Variants in HIVEP3 observed in about 807,000 individuals in gnomAD.
HIVEP3 encodes the protein transcription factor HIVEP3.
Under a neutral mutation model 152.8 loss-of-function variants are expected in HIVEP3, and 49 were observed. The observed-to-expected ratio is 0.32, with a 90% CI of 0.26 to 0.41. The LOEUF (loss-of-function observed/expected upper bound fraction) is 0.41, where lower values mean the gene tolerates loss of function less well. Among genes scored for constraint, HIVEP3 ranks in the 10% least tolerant of loss-of-function variants. The pLI is 1.00. For synonymous variants in HIVEP3, 1,269 were observed against 1,289.0 expected (o/e 0.98, Z 0.33); for missense variants, 2,790 against 3,103.3 (o/e 0.90, Z 2.40).
rs969028063 is a variant in HIVEP3 at position 41,613,095 on chromosome 1, G to A, written c.-522+15654C>T. Among the ~76,000 whole-genome samples the A allele has an allele frequency of 1.3e-4, 20 of 152,340 alleles. 1 individual carries two copies. Among genetic ancestry groups the A allele is most frequent in the Admixed American group, 7.8e-4 (12 of 15,310 alleles). On this transcript the variant is annotated intron_variant, in intron 3 of 8. Transcript: ENST00000372583. ...TGGAGGACAGCCAGGAGCACTGGGC[G>A]CGGAGTCAGCCGCTAGGGGCTCACT...
At chr1:41,851,959 C>T (rs1643616592) in intron 1 of HIVEP3, among the ~76,000 whole-genome samples, 1 of 152,146 alleles carries the variant, frequency 6.6e-6, no homozygotes, top group African/African-American at 2.4e-5. Context: ...CTCTCTGAGC[C>T]TCATGGGGCT....
chr1:42,029,254 C>T (rs1645599265), intron 1 of HIVEP3, among the ~76,000 whole-genome samples: 1 of 152,092 alleles, frequency 6.6e-6, no homozygotes, highest in Non-Finnish European at 1.5e-5. Context: ...AGCACCTGCC[C>T]CCATCTTCTC....
chr1:41,905,125 A>T (rs537698809), intron 1 of HIVEP3, among the ~76,000 whole-genome samples: 89 of 152,292 alleles, frequency 5.8e-4, no homozygotes, highest in Non-Finnish European at 1.0e-3. Flanking sequence ...CCTGCTTCCT[A>T]CATAGTTGAT....
At chr1:41,813,316 C>T (rs913157863) in intron 1 of HIVEP3, among the ~76,000 whole-genome samples, 1 of 152,198 alleles carries the variant, frequency 6.6e-6, no homozygotes, top group Non-Finnish European at 1.5e-5. Context: ...CCAGCAGGAG[C>T]AACACTAGGC....
chr1:41,994,359 T>C (rs951787851), intron 1 of HIVEP3, among the ~76,000 whole-genome samples: 2 of 152,034 alleles, frequency 1.3e-5, no homozygotes, highest in African/African-American at 2.4e-5. Flanking sequence ...GCTAGCAATA[T>C]TGGAATTATG....
intron 7 of HIVEP3, 137 bp from the exon 8 acceptor site, chr1:41,513,887 G>T: frequency 1.6e-6 from 1 of 623,974 alleles, no homozygotes; most frequent in Non-Finnish European, 2.6e-6. Flanking sequence ...AAGATTGTTG[G>T]GACAACCAAG....
At chr1:41,518,060 C>T (rs1249201967) in intron 7 of HIVEP3, among the ~76,000 whole-genome samples, 4 of 152,198 alleles carry the variant, frequency 2.6e-5, no homozygotes, top group Non-Finnish European at 5.9e-5. Flanking sequence ...ACTCAATCAA[C>T]GTTGGCTGTA....
At chr1:41,905,330 T>G (rs944311042) in intron 1 of HIVEP3, among the ~76,000 whole-genome samples, 2 of 152,316 alleles carry the variant, frequency 1.3e-5, no homozygotes, top group East Asian at 3.9e-4. Flanking sequence ...GCACTCTCCA[T>G]GCAGTGTTAA....
intron 1 of HIVEP3, among the ~76,000 whole-genome samples, chr1:41,789,680 A>G (rs1382000443): frequency 1.3e-5 from 2 of 152,242 alleles, no homozygotes; most frequent in Non-Finnish European, 2.9e-5. Flanking sequence ...TGAATTGCCA[A>G]GATGGGGCAC....
intron 1 of HIVEP3, among the ~76,000 whole-genome samples, chr1:41,776,713 C>T (rs1269292421): frequency 6.6e-6 from 1 of 152,242 alleles, no homozygotes; most frequent in Non-Finnish European, 1.5e-5. Context: ...GTGTTTCCCT[C>T]TCCATTTCTG....
chr1:41,534,276 G>C (rs1032219362), intron 5 of HIVEP3, among the ~76,000 whole-genome samples: 5 of 152,062 alleles, frequency 3.3e-5, no homozygotes, highest in African/African-American at 7.2e-5. Context: ...TCCTTGGCAG[G>C]AAAGGCCCAG....
At chr1:41,965,604 C>A (rs570658184) in intron 1 of HIVEP3, among the ~76,000 whole-genome samples, 2 of 152,244 alleles carry the variant, frequency 1.3e-5, no homozygotes, top group South Asian at 2.1e-4. Context: ...AATAGCCGAA[C>A]AGACCAAGTG....
intron 1 of HIVEP3, among the ~76,000 whole-genome samples, chr1:41,874,826 G>C (rs1644141697): frequency 6.6e-6 from 1 of 152,176 alleles, no homozygotes; most frequent in East Asian, 1.9e-4. Flanking sequence ...CTGAGGAAAG[G>C]ATTCTCCTCC....
At chr1:41,675,635 G>A (rs1436799852) in intron 2 of HIVEP3, among the ~76,000 whole-genome samples, 1 of 152,200 alleles carries the variant, frequency 6.6e-6, no homozygotes, top group Non-Finnish European at 1.5e-5. Flanking sequence ...TCAATGCTGA[G>A]CCCTGGGATC....
At chr1:42,024,392 G>A (rs974651350) in intron 1 of HIVEP3, among the ~76,000 whole-genome samples, 3 of 152,074 alleles carry the variant, frequency 2.0e-5, no homozygotes, top group Non-Finnish European at 4.4e-5. Flanking sequence ...TGTTTCCAAT[G>A]AGTCTTCCTC....
chr1:41,639,240 G>A (rs984553450), intron 2 of HIVEP3, among the ~76,000 whole-genome samples: 3 of 152,216 alleles, frequency 2.0e-5, no homozygotes, highest in Non-Finnish European at 2.9e-5. Flanking sequence ...AATAATCCTG[G>A]TGGTTCATGC....
In HIVEP3 at chr1:41,745,946, G is replaced by A. The variant is rs371489469; in HGVS notation, c.-800-44951C>T. 1.3e-4 allele frequency among the ~76,000 whole-genome samples: 20 copies of A among 152,296 alleles called. No individual in the cohort carries two copies. The South Asian group carries it at 3.5e-3, about 27-fold the overall frequency. On this transcript the variant is annotated intron_variant, in intron 1 of 8. Transcript: ENST00000372583. ...GCCTGGCATCAAGAATCCTCAATCAGTATCTGTTAAATGAATAAATGAAGG... is the reference window on the plus strand; with the variant it reads ...GCCTGGCATCAAGAATCCTCAATCAATATCTGTTAAATGAATAAATGAAGG...
At chr1:41,883,901 GA>G (rs1402200081) in intron 1 of HIVEP3, among the ~76,000 whole-genome samples, 5 of 152,030 alleles carry the variant, frequency 3.3e-5, no homozygotes, top group Non-Finnish European at 5.9e-5. Context: ...AAGGAATTAA[GA>G]AAAAAATGGA....
chr1:41,813,613 C>T (rs1382439381), intron 1 of HIVEP3, among the ~76,000 whole-genome samples: 1 of 152,240 alleles, frequency 6.6e-6, no homozygotes, highest in Non-Finnish European at 1.5e-5. Context: ...GAGGACAGAT[C>T]TTCTACGCCA....
Sources: allele counts gnomAD v4.1 joint callset (sites outside exome capture counted in the v4.1 genomes callset), GRCh38; gene constraint gnomAD v4.1.1; transcripts MANE v1.5; gene names NCBI Gene and HGNC (gene_info 2026-07-23, HGNC 2026-07-21).